RNGTT: variants seen among roughly 807,000 people sequenced by gnomAD.
RNGTT encodes RNA guanylyltransferase and 5'-phosphatase.
A neutral mutation model predicts 79.3 loss-of-function variants in RNGTT; 33 were observed. The ratio of observed to expected loss-of-function variants is 0.42; its 90% confidence interval spans 0.32 to 0.56. The LOEUF (loss-of-function observed/expected upper bound fraction) is 0.56, where lower values mean the gene tolerates loss of function less well. RNGTT is among the 20% of genes least tolerant of loss of function. The probability of loss-of-function intolerance (pLI) is 0.17; values close to 1 mark genes in which losing one functional copy is unlikely to be tolerated. For missense variants in RNGTT, 497 were observed against 739.1 expected (o/e 0.67, Z 3.80); for synonymous variants, 222 against 235.9 (o/e 0.94, Z 0.54).
At chr6:88,869,054 TAAGA>T (rs1782273159) in intron 8 of RNGTT, among the ~76,000 whole-genome samples, 1 of 152,230 alleles carries the variant, frequency 6.6e-6, no homozygotes. Context: ...AAGGTATTTT[TAAGA>T]AAGAGAATTA....
At chr6:88,870,315 A>T (rs993060401) in intron 8 of RNGTT, among the ~76,000 whole-genome samples, 3 of 152,146 alleles carry the variant, frequency 2.0e-5, no homozygotes, top group Admixed American at 2.0e-4. Context: ...ATTTTAAAAC[A>T]TATGGTTATA....
chr6:88,750,239 G>A (rs1368540785), intron 13 of RNGTT, among the ~76,000 whole-genome samples: 1 of 152,110 alleles, frequency 6.6e-6, no homozygotes, highest in African/African-American at 2.4e-5. Flanking sequence ...GAAAAAGAAG[G>A]GGGTTGGGGT....
intron 13 of RNGTT, among the ~76,000 whole-genome samples, chr6:88,705,332 T>C (rs1056568713): frequency 5.3e-5 from 8 of 151,816 alleles, no homozygotes; most frequent in South Asian, 2.1e-4. Context: ...AGTGGTATAA[T>C]GTCAGTCTAA....
At chr6:88,657,017 G>A (rs1241520041) in intron 14 of RNGTT, among the ~76,000 whole-genome samples, 1 of 152,110 alleles carries the variant, frequency 6.6e-6, no homozygotes, top group Non-Finnish European at 1.5e-5. Flanking sequence ...GTGGCTAGGA[G>A]ACAGGACTTA....
At chr6:88,728,074 C>A (rs1372975793) in intron 13 of RNGTT, among the ~76,000 whole-genome samples, 3 of 152,166 alleles carry the variant, frequency 2.0e-5, no homozygotes, top group Non-Finnish European at 4.4e-5. Context: ...GCACCGTCCC[C>A]TCCAGGGTCA....
At chr6:88,757,589 A>G (rs1368558404) in intron 13 of RNGTT, among the ~76,000 whole-genome samples, 1 of 152,210 alleles carries the variant, frequency 6.6e-6, no homozygotes, top group African/African-American at 2.4e-5. Context: ...AATAGTAAAA[A>G]TAATTTCACT....
At chr6:88,738,048 C>A (rs1471635094) in intron 13 of RNGTT, among the ~76,000 whole-genome samples, 1 of 152,080 alleles carries the variant, frequency 6.6e-6, no homozygotes, top group Non-Finnish European at 1.5e-5. Context: ...ATGGAGAAAA[C>A]TCACAAACCC....
chr6:88,888,110 C>T (rs950309183), intron 8 of RNGTT, among the ~76,000 whole-genome samples: 1 of 151,706 alleles, frequency 6.6e-6, no homozygotes, highest in African/African-American at 2.4e-5. Flanking sequence ...GAGTGAGGAC[C>T]CTGTCTCAAA....
Position 88,853,703 on chromosome 6 carries a change from A to G in RNGTT, c.958T>C (p.Phe320Leu), listed in dbSNP as rs1215212241. The change falls in exon 9 of 16, where the codon TTT becomes CTT. Residue 320 changes from phenylalanine (F) to leucine (L), a missense_variant. This residue lies in a region of RNGTT where 440 missense variants were observed against 671.5 expected (regional missense o/e 0.66). Transcript: ENST00000369485. ...VFMIDRDNSV[F>L]HVSNLEFPFR... The stretch of plus-strand genomic sequence containing the variant: ...GGAAATTCCAGATTTGAAACATGAA[A>G]TACTGAATTGTCTCTATCAATCATA... The G allele has an allele frequency of 1.3e-6, 2 of 1,584,806 alleles. No homozygotes were observed. Among genetic ancestry groups the G allele is most frequent in the Non-Finnish European group, 1.7e-6 (2 of 1,157,884 alleles).
At chr6:88,955,817 C>T (rs1785411355) in intron 1 of RNGTT, among the ~76,000 whole-genome samples, 2 of 151,838 alleles carry the variant, frequency 1.3e-5, no homozygotes, top group Non-Finnish European at 2.9e-5. Flanking sequence ...CCAAGGGAGG[C>T]AGATCATTTG....
At chr6:88,778,242 T>C (rs537756815) in intron 12 of RNGTT, among the ~76,000 whole-genome samples, 1 of 152,224 alleles carries the variant, frequency 6.6e-6, no homozygotes, top group Non-Finnish European at 1.5e-5. Flanking sequence ...ATTGTAAGCC[T>C]TGAAGGATGG....
In RNGTT at chr6:88,612,736, G is replaced by A; in HGVS notation, c.1777C>T (p.Pro593Ser). The A allele has an allele frequency of 6.2e-7, 1 of 1,612,748 alleles. No homozygotes were observed. Among genetic ancestry groups the A allele is most frequent in the South Asian group, 1.1e-5 (1 of 90,994 alleles). ...ELMPPPPPKRPRPLT is the reference protein window; with the variant it reads ...ELMPPPPPKRSRPLT ...GGCAGGTCTTAGGTTAAAGGGCGTG[G>A]TCTTTTGGGAGGTGGTGGTGGCATG... The change falls in exon 16 of 16, where the codon CCA becomes TCA. Residue 593 changes from proline to serine, a missense_variant. This residue lies in a region of RNGTT where 53 missense variants were observed against 50.5 expected (regional missense o/e 1.05). Coordinates refer to ENST00000369485, the MANE Select transcript of RNGTT (RefSeq NM_003800.5).
intron 13 of RNGTT, among the ~76,000 whole-genome samples, chr6:88,702,655 G>A (rs553738739): frequency 2.1e-4 from 32 of 152,104 alleles, no homozygotes; most frequent in Non-Finnish European, 3.8e-4. Flanking sequence ...CCTTGGGAAA[G>A]AATTTATGAT....
intron 13 of RNGTT, among the ~76,000 whole-genome samples, chr6:88,730,652 A>T (rs1469367780): frequency 6.6e-6 from 1 of 152,258 alleles, no homozygotes; most frequent in Non-Finnish European, 1.5e-5. Context: ...CCTGCTGCGC[A>T]GCCCAGTTCC....
chr6:88,844,117 A>G (rs2127900624), intron 11 of RNGTT, among the ~76,000 whole-genome samples: 1 of 152,236 alleles, frequency 6.6e-6, no homozygotes, highest in South Asian at 2.1e-4. Flanking sequence ...ATGACCATGA[A>G]ACAAAAACTA....
intron 14 of RNGTT, among the ~76,000 whole-genome samples, chr6:88,634,635 T>G (rs1773029021): frequency 6.6e-6 from 1 of 152,114 alleles, no homozygotes; most frequent in Non-Finnish European, 1.5e-5. Flanking sequence ...AATAGATGAC[T>G]TAACGAATAG....
At chr6:88,963,041 C>A (rs1204310689) in intron 1 of RNGTT, among the ~76,000 whole-genome samples, 2 of 152,090 alleles carry the variant, frequency 1.3e-5, no homozygotes, top group Non-Finnish European at 2.9e-5. Flanking sequence ...AACAGGTTCG[C>A]AAACTACTAA....
At chr6:88,731,840 C>G (rs148655763) in intron 13 of RNGTT, among the ~76,000 whole-genome samples, 1 of 152,076 alleles carries the variant, frequency 6.6e-6, no homozygotes, top group Non-Finnish European at 1.5e-5. Context: ...TGCTGTTGAC[C>G]AGAAGCCTTA....
At chr6:88,705,744 T>C (rs953200805) in intron 13 of RNGTT, among the ~76,000 whole-genome samples, 1 of 152,144 alleles carries the variant, frequency 6.6e-6, no homozygotes, top group East Asian at 1.9e-4. Flanking sequence ...GTTCTGACTA[T>C]GGTCAGCACA....
Sources: allele counts gnomAD v4.1 joint callset (sites outside exome capture counted in the v4.1 genomes callset), GRCh38; gene constraint gnomAD v4.1.1; regional missense constraint gnomAD v4.1.1; transcripts MANE v1.5; gene names NCBI Gene and HGNC (gene_info 2026-07-23, HGNC 2026-07-21).